The following TTC33 variants were observed in gnomAD, a reference collection of about 807,000 sequenced individuals.
TTC33 encodes the protein tetratricopeptide repeat domain 33, also known as tetratricopeptide repeat protein 33.
A neutral mutation model predicts 29.4 loss-of-function variants in TTC33; 24 were observed. The ratio of observed to expected loss-of-function variants is 0.82; its 90% confidence interval spans 0.59 to 1.15. TTC33 has a LOEUF of 1.15. Among genes scored for constraint, TTC33 ranks in the 50% most tolerant of loss-of-function variants. The pLI, the probability that TTC33 is intolerant of heterozygous loss-of-function variation, is 0.00. For missense variants in TTC33, 286 were observed against 310.4 expected (o/e 0.92, Z 0.59); for synonymous variants, 107 against 100.3 (o/e 1.07, Z -0.40).
chr5:40,745,493 A>G (rs1742773548), intron 2 of TTC33, among the ~76,000 whole-genome samples: 1 of 151,864 alleles, frequency 6.6e-6, no homozygotes. Flanking sequence ...AGAATTGTTG[A>G]GTCTAGATAG....
At chr5:40,739,878 GT>G (rs1358590989) in intron 2 of TTC33, among the ~76,000 whole-genome samples, 2 of 151,930 alleles carry the variant, frequency 1.3e-5, no homozygotes. Flanking sequence ...TTTTATACAT[GT>G]TTTGCTGAAT....
In TTC33 at chr5:40,736,802, C is replaced by T. The variant is rs181581497; in HGVS notation, c.222-6459G>A. 2.2e-3 allele frequency among the ~76,000 whole-genome samples: 331 copies of T among 152,182 alleles called. 1 individual carries two copies. The highest frequency in any genetic ancestry group is 3.7e-3 in the Non-Finnish European group (250 of 67,996). On this transcript the variant is annotated intron_variant, in intron 2 of 4. Transcript: ENST00000337702. ...GGTAGAAATTGACAAAAAATAACTA[C>T]CCAAAGTTTATGCAGATAGAAATGA...
At chr5:40,725,875 T>A (rs1441010658) in intron 4 of TTC33, among the ~76,000 whole-genome samples, 1 of 144,664 alleles carries the variant, frequency 6.9e-6, no homozygotes, top group Admixed American at 7.1e-5. Context: ...AAGCTCCGCC[T>A]CCCAGGTTCA....
chr5:40,750,216 G>A (rs980897966), intron 1 of TTC33, among the ~76,000 whole-genome samples: 1 of 151,956 alleles, frequency 6.6e-6, no homozygotes, highest in Admixed American at 6.6e-5. Context: ...AATGTTGATG[G>A]CTGTTGACTG....
chr5:40,716,547 G>T, intron 4 of TTC33, 49 bp from the exon 5 acceptor site: 1 of 1,223,454 alleles, frequency 8.2e-7, no homozygotes, highest in Non-Finnish European at 1.2e-6. Context: ...AAATTAGTAT[G>T]TTTAATACAA....
chr5:40,715,115 T>C lies in TTC33; in HGVS notation c.*1030A>G, dbSNP rs1320095299. ...ATTTTGTGCTTAAGTTATTTATTCATTGGCACTCTAATAACAGCCCTACTT... is the reference window on the plus strand; with the variant it reads ...ATTTTGTGCTTAAGTTATTTATTCACTGGCACTCTAATAACAGCCCTACTT... On this transcript the variant is annotated 3_prime_UTR_variant, in exon 5 of 5. Coordinates refer to ENST00000337702, the MANE Select transcript of TTC33 (RefSeq NM_012382.3). 6.6e-6 allele frequency: 1 copy of C among 152,076 alleles called. No homozygotes were observed. The highest frequency in any genetic ancestry group is 1.5e-5 in the Non-Finnish European group (1 of 67,960). 9.4% of individuals were successfully genotyped at this position (152,076 alleles called of 1,614,324 possible). A position where few individuals can be genotyped will look rare whatever the true frequency, so the allele number is the denominator to read the frequency against.
intron 1 of TTC33, among the ~76,000 whole-genome samples, chr5:40,754,090 G>A (rs889579449): frequency 6.6e-6 from 1 of 152,090 alleles, no homozygotes; most frequent in Non-Finnish European, 1.5e-5. Context: ...AAATGCTGGG[G>A]ACAAGTATAA....
intron 4 of TTC33, among the ~76,000 whole-genome samples, chr5:40,721,764 A>G (rs1188296361): frequency 6.6e-6 from 1 of 152,200 alleles, no homozygotes; most frequent in Non-Finnish European, 1.5e-5. Flanking sequence ...ATATAACACC[A>G]AAAACATAGG....
chr5:40,728,951 C>A (rs1050155880), intron 3 of TTC33, among the ~76,000 whole-genome samples: 1 of 152,094 alleles, frequency 6.6e-6, no homozygotes, highest in East Asian at 1.9e-4. Context: ...TCAAACCATA[C>A]ATACTAGGAA....
At chr5:40,742,343 T>C (rs911760416) in intron 2 of TTC33, among the ~76,000 whole-genome samples, 3 of 152,108 alleles carry the variant, frequency 2.0e-5, no homozygotes, top group Non-Finnish European at 4.4e-5. Context: ...TAATAACTAA[T>C]ATTTATTGAG....
intron 2 of TTC33, among the ~76,000 whole-genome samples, chr5:40,730,867 T>C (rs1171904679): frequency 2.6e-5 from 4 of 152,132 alleles, no homozygotes; most frequent in Non-Finnish European, 5.9e-5. Context: ...CACTAAACAA[T>C]ACTTAGTATA....
intron 4 of TTC33, among the ~76,000 whole-genome samples, chr5:40,718,335 G>A (rs1356594556): frequency 6.6e-6 from 1 of 152,006 alleles, no homozygotes; most frequent in Non-Finnish European, 1.5e-5. Context: ...GAACCCCGGA[G>A]GCAGAGGTTA....
chr5:40,728,494 C>G lies in TTC33; in HGVS notation c.304-18G>C, dbSNP rs949895678. 3.9e-5 allele frequency: 61 copies of G among 1,573,416 alleles called. No homozygotes were observed. The highest frequency in any genetic ancestry group is 5.2e-5 in the Non-Finnish European group (61 of 1,164,262). On this transcript the variant is annotated intron_variant, in intron 3 of 4. Coordinates refer to ENST00000337702, the MANE Select transcript of TTC33 (RefSeq NM_012382.3). The stretch of plus-strand genomic sequence containing the variant: ...ATTAGCACCTATAGGCAAAAAAAGA[C>G]CAAAAAATCTGTCAGTAATATTCAT...
intron 2 of TTC33, among the ~76,000 whole-genome samples, chr5:40,739,503 G>C (rs1401229496): frequency 6.6e-6 from 1 of 152,136 alleles, no homozygotes; most frequent in African/African-American, 2.4e-5. Flanking sequence ...TTTCCCTCTT[G>C]GTACTGTTCT....
At position 40,712,701 on chromosome 5, in the gene TTC33, T is replaced by C. The variant is rs1273608455; in HGVS notation, c.*3444A>G. On this transcript the variant is annotated 3_prime_UTR_variant, in exon 5 of 5. Coordinates refer to ENST00000337702, the MANE Select transcript of TTC33 (RefSeq NM_012382.3). ...AATCCACAAAAGGGAAAAAAGAGGC[T>C]AGCATGCCCAGTTCTATATCTTAAA... is the stretch of plus-strand genomic sequence containing the variant. 1.3e-5 allele frequency among the ~76,000 whole-genome samples: 2 copies of C among 152,160 alleles called. No individual in the cohort carries two copies. Among genetic ancestry groups the C allele is most frequent in the Non-Finnish European group, 2.9e-5 (2 of 68,006 alleles).
intron 1 of TTC33, among the ~76,000 whole-genome samples, chr5:40,747,625 C>G (rs1157689036): frequency 1.3e-5 from 2 of 151,972 alleles, no homozygotes; most frequent in Non-Finnish European, 2.9e-5. Context: ...GAAGCATGCT[C>G]AATAACACAT....
intron 4 of TTC33, among the ~76,000 whole-genome samples, chr5:40,720,333 C>T (rs2111869421): frequency 6.6e-6 from 1 of 152,302 alleles, no homozygotes; most frequent in African/African-American, 2.4e-5. Flanking sequence ...TGTCTTGACA[C>T]CCTTGTCCAA....
chr5:40,718,228 AC>A (rs1742048362), intron 4 of TTC33, among the ~76,000 whole-genome samples: 1 of 151,374 alleles, frequency 6.6e-6, no homozygotes, highest in Non-Finnish European at 1.5e-5. Context: ...CAATGACAAA[AC>A]CCCGTCTCTA....
chr5:40,745,071 T>C (rs1455158926), intron 2 of TTC33, among the ~76,000 whole-genome samples: 1 of 151,800 alleles, frequency 6.6e-6, no homozygotes, highest in East Asian at 1.9e-4. Flanking sequence ...AAATAGAAAA[T>C]TGGTCTGGAC....
Sources: allele counts gnomAD v4.1 joint callset (sites outside exome capture counted in the v4.1 genomes callset), GRCh38; gene constraint gnomAD v4.1.1; transcripts MANE v1.5; gene names NCBI Gene and HGNC (gene_info 2026-07-23, HGNC 2026-07-21).